The following GRM1 variants were observed in gnomAD, a reference collection of about 807,000 sequenced individuals.
The protein encoded by GRM1 is metabotropic glutamate receptor 1.
In GRM1, 33 loss-of-function variants were observed where a neutral mutation model predicts 90.9. That is an observed-to-expected ratio of 0.36 (90% confidence interval 0.28 to 0.49). GRM1 has a LOEUF of 0.49. Among genes scored for constraint, GRM1 ranks in the 20% least tolerant of loss-of-function variants. The probability of loss-of-function intolerance (pLI) is 0.99; values close to 1 mark genes in which losing one functional copy is unlikely to be tolerated. For missense variants in GRM1, 1,190 were observed against 1,534.3 expected, an observed-to-expected ratio of 0.78 and a Z score of 3.75; for synonymous variants, 700 against 613.2, an observed-to-expected ratio of 1.14 and a Z score of -2.09.
At chr6:146,372,671 T>C (rs1001942581) in intron 5 of GRM1, among the ~76,000 whole-genome samples, 2 of 152,154 alleles carry the variant, frequency 1.3e-5, no homozygotes, top group African/African-American at 4.8e-5. Flanking sequence ...TTCATTCTTC[T>C]GCATAGGAAA....
chr6:146,327,941 G>A (rs537535658), intron 3 of GRM1, among the ~76,000 whole-genome samples: 1 of 152,274 alleles, frequency 6.6e-6, no homozygotes, highest in South Asian at 2.1e-4. Flanking sequence ...GTTGAGGCTG[G>A]TGGGACTATA....
chr6:146,325,790 C>A (rs1046728581), intron 3 of GRM1, among the ~76,000 whole-genome samples: 1 of 152,102 alleles, frequency 6.6e-6, no homozygotes, highest in Non-Finnish European at 1.5e-5. Flanking sequence ...TGAATATTTT[C>A]TCAGCTTTTA....
intron 2 of GRM1, among the ~76,000 whole-genome samples, chr6:146,296,294 G>A (rs1394519196): frequency 6.6e-6 from 1 of 152,026 alleles, no homozygotes. Flanking sequence ...ACTTTTAATT[G>A]ACAAATACTA....
intron 7 of GRM1, among the ~76,000 whole-genome samples, chr6:146,415,950 T>C (rs1377091774): frequency 1.3e-5 from 2 of 152,210 alleles, no homozygotes; most frequent in African/African-American, 4.8e-5. Flanking sequence ...CTCTCCTTTG[T>C]CCTCTATATA....
chr6:146,179,795 G>A (rs530301272), intron 2 of GRM1, among the ~76,000 whole-genome samples: 2 of 152,184 alleles, frequency 1.3e-5, no homozygotes, highest in African/African-American at 2.4e-5. Flanking sequence ...GATTACAGGC[G>A]TGAGCCACCC....
At chr6:146,287,265 C>A (rs1303041422) in intron 2 of GRM1, among the ~76,000 whole-genome samples, 3 of 152,156 alleles carry the variant, frequency 2.0e-5, no homozygotes, top group Non-Finnish European at 4.4e-5. Context: ...ACCTTCCTGT[C>A]TTATTCTACT....
At chr6:146,303,468 C>A (rs73577173) in intron 2 of GRM1, among the ~76,000 whole-genome samples, 8,097 of 152,226 alleles carry the variant, frequency 0.053, 705 homozygotes, top group African/African-American at 0.18. Flanking sequence ...TAAATTATTT[C>A]TCTGCCTTTT....
intron 1 of GRM1, among the ~76,000 whole-genome samples, chr6:146,031,063 G>A (rs1465955576): frequency 1.3e-5 from 2 of 152,122 alleles, no homozygotes; most frequent in African/African-American, 2.4e-5. Context: ...TTTCTAAAAT[G>A]CAATAGATTA....
chr6:146,413,612 A>G lies in GRM1; in HGVS notation c.2660+13913A>G, dbSNP rs146052746. Reference sequence around the variant, plus strand: ...TATACAATAATATGCATTGATATTAATGACAGTTTGATATATTCTACAAAT... The same window carrying G: ...TATACAATAATATGCATTGATATTAGTGACAGTTTGATATATTCTACAAAT... On this transcript the variant is annotated intron_variant, in intron 7 of 7. Coordinates refer to ENST00000282753, the MANE Select transcript of GRM1 (RefSeq NM_001278064.2). Among the ~76,000 whole-genome samples the G allele has an allele frequency of 2.4e-3, 368 of 152,250 alleles. 1 individual carries two copies. The highest frequency in any genetic ancestry group is 6.8e-3 in the Middle Eastern group (2 of 294).
At chr6:146,028,925 A>T (rs567408223), upstream of GRM1, among the ~76,000 whole-genome samples, 4 of 152,110 alleles carry the variant, frequency 2.6e-5, no homozygotes, top group African/African-American at 9.7e-5. Flanking sequence ...GTTAGAAAGC[A>T]TGATAGGTTT....
chr6:146,367,793 C>G (rs1010165870), intron 5 of GRM1, among the ~76,000 whole-genome samples: 5 of 152,086 alleles, frequency 3.3e-5, no homozygotes, highest in Non-Finnish European at 7.4e-5. Context: ...GTATGTACCT[C>G]ATTTTTCTTT....
intron 4 of GRM1, among the ~76,000 whole-genome samples, chr6:146,354,189 T>C (rs1031184328): frequency 1.3e-5 from 2 of 152,214 alleles, no homozygotes; most frequent in African/African-American, 4.8e-5. Context: ...TTGACTGGAA[T>C]GCGAGTGAGG....
chr6:146,106,773 T>G (rs888733888), intron 1 of GRM1, among the ~76,000 whole-genome samples: 1 of 152,218 alleles, frequency 6.6e-6, no homozygotes, highest in African/African-American at 2.4e-5. Context: ...GACCTCGTGG[T>G]GTCATTCCTT....
At position 146,178,759 on chromosome 6, in the gene GRM1, G is replaced by C. The variant is rs1489866545; in HGVS notation, c.950+19162G>C. Among the ~76,000 whole-genome samples, 5 of 152,134 alleles carry C rather than the reference G, an allele frequency of 3.3e-5. 1 individual carries two copies. In the South Asian group the frequency reaches 1.0e-3, roughly 32 times the overall value. On this transcript the variant is annotated intron_variant, in intron 2 of 7. Transcript: ENST00000282753. ...ATTTTTTAAAATTTCTCATTTAGTA[G>C]CCATTCTTATTTGGATACCAAATGT...
At chr6:146,298,338 T>C (rs1783258948) in intron 2 of GRM1, among the ~76,000 whole-genome samples, 1 of 152,184 alleles carries the variant, frequency 6.6e-6, no homozygotes, top group South Asian at 2.1e-4. Context: ...AGCAGAGCCC[T>C]ACTCAACTCC....
At chr6:146,280,711 T>C (rs1328153947) in intron 2 of GRM1, among the ~76,000 whole-genome samples, 3 of 152,120 alleles carry the variant, frequency 2.0e-5, no homozygotes, top group African/African-American at 7.2e-5. Context: ...CTCAAACTCG[T>C]GAGCTCAAGC....
rs557634329 is a variant in GRM1, at chr6:146,415,400, C to T, written c.2660+15701C>T. On this transcript the variant is annotated intron_variant, in intron 7 of 7. Coordinates refer to ENST00000282753, the MANE Select transcript of GRM1 (RefSeq NM_001278064.2). Reference sequence around the variant, plus strand: ...ACATTCAGTTCATAATAGAATGGATCGAGGTTTTTGTTTTTGTTTTTTTCT... The same window carrying T: ...ACATTCAGTTCATAATAGAATGGATTGAGGTTTTTGTTTTTGTTTTTTTCT... Among the ~76,000 whole-genome samples the T allele has an allele frequency of 2.8e-4, 42 of 152,252 alleles. No homozygotes were observed. The South Asian group carries it at 8.5e-3, about 31-fold the overall frequency.
rs141963011 is a variant in GRM1 at position 146,425,478 on chromosome 6, C to G, written c.2661-8394C>G. ...AAGAGATAGAAGAGAAGGAAAAGGTCTTTGATTTGCCAGGAGCCATTTTGG... is the reference window on the plus strand; with the variant it reads ...AAGAGATAGAAGAGAAGGAAAAGGTGTTTGATTTGCCAGGAGCCATTTTGG... On this transcript the variant is annotated intron_variant, in intron 7 of 7. Coordinates refer to ENST00000282753, the MANE Select transcript of GRM1 (RefSeq NM_001278064.2). Among the ~76,000 whole-genome samples the G allele has an allele frequency of 5.9e-5, 9 of 152,168 alleles. No individual in the cohort carries two copies. The East Asian group carries it at 1.7e-3, about 29-fold the overall frequency.
intron 1 of GRM1, among the ~76,000 whole-genome samples, chr6:146,136,362 C>G (rs926661817): frequency 6.6e-6 from 1 of 152,166 alleles, no homozygotes; most frequent in Non-Finnish European, 1.5e-5. Context: ...CCAAACTGCT[C>G]TCCATAGTGA....
Sources: gnomAD v4.1 joint callset for allele counts (sites outside exome capture counted in the v4.1 genomes callset) on GRCh38, gnomAD v4.1.1 for gene constraint, MANE v1.5 for transcripts, NCBI Gene and HGNC (gene_info 2026-07-23, HGNC 2026-07-21) for gene names.